BMP1: variants seen among roughly 807,000 people sequenced by gnomAD.
BMP1 encodes bone morphogenetic protein 1.
In BMP1, 63 loss-of-function variants were observed where a neutral mutation model predicts 116.8. The ratio of observed to expected loss-of-function variants is 0.54; its 90% confidence interval spans 0.44 to 0.67. BMP1 has a LOEUF of 0.67. BMP1 is among the 30% of genes least tolerant of loss of function. The pLI, the probability that BMP1 is intolerant of heterozygous loss-of-function variation, is 0.00. For missense variants in BMP1, 1,183 were observed against 1,358.9 expected (o/e 0.87, Z 2.04); for synonymous variants, 536 against 533.4 (o/e 1.00, Z -0.07).
At chr8:22,188,543 C>T (rs79886950) in intron 8 of BMP1, among the ~76,000 whole-genome samples, 2,998 of 152,284 alleles carry the variant, frequency 0.02, 66 homozygotes, top group East Asian at 0.074. Flanking sequence ...AGCCCGGAAG[C>T]GGTGGGGCAG....
intron 15 of BMP1, among the ~76,000 whole-genome samples, chr8:22,200,577 T>C (rs1188601745): frequency 1.3e-5 from 2 of 152,200 alleles, no homozygotes; most frequent in African/African-American, 2.4e-5. Flanking sequence ...TGTGTGTCTG[T>C]GCGTGTGTGG....
intron 8 of BMP1, among the ~76,000 whole-genome samples, chr8:22,182,868 C>A (rs767988690): frequency 2.0e-5 from 3 of 152,202 alleles, no homozygotes; most frequent in Non-Finnish European, 2.9e-5. Flanking sequence ...TGAGTGTCTC[C>A]TCTGATTTAA....
intron 9 of BMP1, among the ~76,000 whole-genome samples, chr8:22,193,060 T>A (rs1184084809): frequency 6.6e-6 from 1 of 152,232 alleles, no homozygotes; most frequent in East Asian, 1.9e-4. Context: ...TTCTTTTTCA[T>A]AACTTACATT....
chr8:22,185,487 A>C (rs1415838420), intron 8 of BMP1, among the ~76,000 whole-genome samples: 1 of 151,988 alleles, frequency 6.6e-6, no homozygotes, highest in Non-Finnish European at 1.5e-5. Context: ...AAAAATAAAA[A>C]AAAGAAGGGA....
At chr8:22,208,211 A>G (rs1244420832) in intron 18 of BMP1, among the ~76,000 whole-genome samples, 2 of 152,230 alleles carry the variant, frequency 1.3e-5, no homozygotes, top group Non-Finnish European at 2.9e-5. Context: ...TTGACATGTA[A>G]CATGGATGAG....
At position 22,194,668 on chromosome 8, in the gene BMP1, A is replaced by C; in HGVS notation, c.1444-56A>C. The C allele has an allele frequency of 4.4e-6, 7 of 1,596,408 alleles. No homozygotes were observed. Among genetic ancestry groups the C allele is most frequent in the Non-Finnish European group, 5.1e-6 (6 of 1,169,570 alleles). ...GACAGCTGCCTCTCTTTGGGCTCCC[A>C]GGGGTGGGTCTCTGGCAGCCAGAGC... On this transcript the variant is annotated intron_variant, in intron 11 of 19. Coordinates refer to ENST00000306385, the MANE Select transcript of BMP1 (RefSeq NM_006129.5). This position sits in a 1 kb window ranked among gnomAD's most constrained non-coding sequence, Gnocchi z 4.5.
chr8:22,177,927 T>C lies in BMP1; in HGVS notation c.806T>C (p.Ile269Thr). The change falls in exon 6 of 20, where the codon ATC becomes ACC. Residue 269 changes from isoleucine to threonine, a missense_variant. Physicochemically the swap from Ile to Thr is moderately conservative, Grantham distance 89. Transcript: ENST00000306385. The stretch of plus-strand genomic sequence containing the variant: ...GGGGAGACCTATGACTTCGACAGCA[T>C]CATGCATTACGCTCGGAACACATTC... ...SLGETYDFDS[I>T]MHYARNTFSR... 6.2e-7 allele frequency: 1 copy of C among 1,613,308 alleles called. No individual in the cohort carries two copies. Among genetic ancestry groups the C allele is most frequent in the South Asian group, 1.1e-5 (1 of 91,024 alleles).
intron 2 of BMP1, among the ~76,000 whole-genome samples, chr8:22,174,558 T>TGAGAGC (rs1279983969): frequency 6.6e-6 from 1 of 151,786 alleles, no homozygotes. Context: ...GACATGGTCC[T>TGAGAGC]GAGAGCACAC....
intron 17 of BMP1, 80 bp from the exon 18 acceptor site, chr8:22,207,223 C>G (rs1020080742): frequency 6.7e-7 from 1 of 1,486,644 alleles, no homozygotes; most frequent in Non-Finnish European, 9.3e-7. Flanking sequence ...ATCTGTGAGG[C>G]CTAGGTTTGG....
intron 18 of BMP1, 102 bp downstream of exon 18, chr8:22,207,618 C>A: frequency 7.4e-7 from 1 of 1,349,350 alleles, no homozygotes; most frequent in Non-Finnish European, 1.0e-6. Context: ...GGGACTGAGC[C>A]CTGCGACCCA....
In BMP1 at chr8:22,202,014, G is replaced by T. The variant is rs535051863; in HGVS notation, c.2233+86G>T. 1.4e-4 allele frequency: 216 copies of T among 1,504,134 alleles called. 1 individual carries two copies. The South Asian group carries it at 1.6e-3, about 11-fold the overall frequency. 93.2% of individuals were successfully genotyped at this position (1,504,134 alleles called of 1,614,324 possible). On this transcript the variant is annotated intron_variant, in intron 16 of 19. Transcript: ENST00000306385. ...CAGAGGATCATCTCCATCAGCCTCC[G>T]TTTAGATTCTGGGGCCTGTATGATC...
At chr8:22,176,678 CT>C (rs774264704) in intron 4 of BMP1, 28 bp downstream of exon 4, 1 of 1,609,118 alleles carries the variant, frequency 6.2e-7, no homozygotes, top group Admixed American at 1.7e-5. Context: ...GGCGCTGTAC[CT>C]TCCGCCATTG....
At chr8:22,173,555 C>G in intron 1 of BMP1, 47 bp from the exon 2 acceptor site, 1 of 1,479,416 alleles carries the variant, frequency 6.8e-7, no homozygotes, top group Non-Finnish European at 9.3e-7. Flanking sequence ...GCACCTAGGG[C>G]TGGGTAGGAG....
chr8:22,176,229 C>T lies in BMP1; in HGVS notation c.349C>T (p.Arg117Cys). 6.2e-7 allele frequency: 1 copy of T among 1,614,014 alleles called. No homozygotes were observed. The highest frequency in any genetic ancestry group is 8.5e-7 in the Non-Finnish European group (1 of 1,179,968). ...GACGRWRGRS[R>C]SRRAATSRPE... ...CTGTGGGAGATGGAGAGGTAGATCC[C>T]GTAGCCGGCGGGCGGCGACGTCCCG... The change falls in exon 3 of 20, where the codon CGT becomes TGT. Residue 117 changes from arginine (R) to cysteine (C), a missense_variant. Coordinates refer to ENST00000306385, the MANE Select transcript of BMP1 (RefSeq NM_006129.5).
At chr8:22,181,254 T>G (rs1828612141) in intron 8 of BMP1, among the ~76,000 whole-genome samples, 1 of 152,206 alleles carries the variant, frequency 6.6e-6, no homozygotes, top group African/African-American at 2.4e-5. Context: ...TCTTACCTTG[T>G]GGGGAAGTAC....
intron 8 of BMP1, among the ~76,000 whole-genome samples, chr8:22,188,257 C>T (rs1476021076): frequency 3.3e-5 from 5 of 151,092 alleles, no homozygotes; most frequent in African/African-American, 1.2e-4. Context: ...CAGCCTGGAC[C>T]TCCCTGGCTC....
chr8:22,195,381 C>T lies in BMP1; in HGVS notation c.1640-81C>T, dbSNP rs73225863. Reference sequence around the variant, plus strand: ...TCGGGGAGCTGGGTGGGTCTTGGGGCTGAGTGGACAAGTGAGGCTCACAGC... The same window carrying T: ...TCGGGGAGCTGGGTGGGTCTTGGGGTTGAGTGGACAAGTGAGGCTCACAGC... On this transcript the variant is annotated intron_variant, in intron 12 of 19. Coordinates refer to ENST00000306385, the MANE Select transcript of BMP1 (RefSeq NM_006129.5). The T allele has an allele frequency of 0.052, 79,176 of 1,521,234 alleles. 2,562 individuals carry two copies. Among genetic ancestry groups the T allele is most frequent in the Admixed American group, 0.093 (4,174 of 44,818 alleles). 94.2% of individuals were successfully genotyped at this position (1,521,234 alleles called of 1,614,324 possible).
intron 12 of BMP1, 128 bp from the exon 13 acceptor site, chr8:22,195,334 A>G: frequency 8.4e-7 from 1 of 1,191,734 alleles, no homozygotes; most frequent in East Asian, 2.6e-5. Flanking sequence ...CTCTGAAGGA[A>G]GGCTCTGTGG....
intron 8 of BMP1, 62 bp downstream of exon 8, chr8:22,180,545 T>C (rs1297376413): frequency 6.8e-7 from 1 of 1,468,850 alleles, no homozygotes; most frequent in African/African-American, 1.4e-5. Flanking sequence ...CCTCAGGGAC[T>C]TCTCCCACAG....
Sources: allele counts gnomAD v4.1 joint callset (sites outside exome capture counted in the v4.1 genomes callset), GRCh38; gene constraint gnomAD v4.1.1; non-coding constraint Gnocchi (gnomAD v3.1); transcripts MANE v1.5; gene names NCBI Gene and HGNC (gene_info 2026-07-23, HGNC 2026-07-21).